LRCH3: variants seen among roughly 807,000 people sequenced by gnomAD.
The protein encoded by LRCH3 is DISP complex protein LRCH3.
Under a neutral mutation model 104.5 loss-of-function variants are expected in LRCH3, and 68 were observed. The ratio of observed to expected loss-of-function variants is 0.65; its 90% CI spans 0.54 to 0.80. LRCH3 has a LOEUF of 0.80. Among genes scored for constraint, LRCH3 ranks in the 30% least tolerant of loss-of-function variants. LRCH3 has a pLI of 0.00. For synonymous variants in LRCH3, 344 were observed against 361.3 expected (o/e 0.95, Z 0.54); for missense variants, 951 against 953.9 (o/e 1.00, Z 0.04).
Position 197,878,728 on chromosome 3 carries a change from A to G in LRCH3, c.2208+2953A>G, listed in dbSNP as rs150247990. Among the ~76,000 whole-genome samples, 935 of 152,352 alleles carry G rather than the reference A, an allele frequency of 6.1e-3. 5 individuals are homozygous for G. Among genetic ancestry groups the G allele is most frequent in the Non-Finnish European group, 8.7e-3 (594 of 68,040 alleles). ...AAAATGAATAAACGCACAAACTCGT[A>G]GGTTCAAACTAGCCTTCTGAGGTCC... On this transcript the variant is annotated intron_variant, in intron 20 of 20. Transcript: ENST00000425562.
In LRCH3 at chr3:197,795,178, T is replaced by C. The variant is rs114716410; in HGVS notation, c.262+3638T>C. On this transcript the variant is annotated intron_variant, in intron 1 of 20. Coordinates refer to ENST00000425562, the MANE Select transcript of LRCH3 (RefSeq NM_001365715.1). ...GCAGAAACAAGAAGGAAAGCTATTT[T>C]AGGCAGTGGTGGACAGCACGCAAAA... is the stretch of plus-strand genomic sequence containing the variant. Among the ~76,000 whole-genome samples, 501 of 152,172 alleles carry C rather than the reference T, an allele frequency of 3.3e-3. 4 individuals are homozygous for C. The highest frequency in any genetic ancestry group is 0.01 in the Middle Eastern group (3 of 294).
At chr3:197,852,495 T>C in intron 12 of LRCH3, 66 bp from the exon 13 acceptor site, 1 of 1,382,488 alleles carries the variant, frequency 7.2e-7, no homozygotes, top group South Asian at 1.2e-5. Flanking sequence ...GTAAATAGAA[T>C]TTGTTATTTG....
At chr3:197,879,411 C>A (rs576892866) in intron 20 of LRCH3, among the ~76,000 whole-genome samples, 1 of 152,054 alleles carries the variant, frequency 6.6e-6, no homozygotes, top group Non-Finnish European at 1.5e-5. Flanking sequence ...CTTTGGGAGG[C>A]CGAGGTGGGC....
intron 1 of LRCH3, among the ~76,000 whole-genome samples, chr3:197,800,385 A>G (rs1465622983): frequency 6.6e-6 from 1 of 152,264 alleles, no homozygotes; most frequent in Admixed American, 6.5e-5. Context: ...TTGAACTAGT[A>G]CTTTACTAAA....
At position 197,824,157 on chromosome 3, in the gene LRCH3, C is replaced by T. The variant is rs559570421; in HGVS notation, c.641-2721C>T. ...TTGGCTCACTGCAGCCTCCGCCTCT[C>T]GGGTTCAAGCAATTCTCCTGCCTCA... On this transcript the variant is annotated intron_variant, in intron 4 of 20. Transcript: ENST00000425562. Among the ~76,000 whole-genome samples the T allele has an allele frequency of 9.9e-5, 15 of 151,822 alleles. No homozygotes were observed. In the East Asian group the frequency reaches 2.1e-3, roughly 22 times the overall value.
intron 5 of LRCH3, among the ~76,000 whole-genome samples, chr3:197,829,235 T>C (rs1195719169): frequency 6.6e-6 from 1 of 152,250 alleles, no homozygotes; most frequent in African/African-American, 2.4e-5. Context: ...TCATGTAATC[T>C]AATGAGGAGA....
At chr3:197,824,606 A>G (rs1386381660) in intron 4 of LRCH3, among the ~76,000 whole-genome samples, 2 of 134,354 alleles carry the variant, frequency 1.5e-5, no homozygotes, top group African/African-American at 5.7e-5. Context: ...TCACTCTGTC[A>G]CCCAGGCTGG....
Position 197,866,138 on chromosome 3 carries a change from C to T in LRCH3, c.1792C>T (p.Pro598Ser). 1 of 1,613,760 alleles carries T rather than the reference C, an allele frequency of 6.2e-7. No individual in the cohort carries two copies. Among genetic ancestry groups the T allele is most frequent in the Non-Finnish European group, 8.5e-7 (1 of 1,179,772 alleles). The change falls in exon 17 of 21, where the codon CCT (proline) becomes TCT (serine). Residue 598 changes from proline (P) to serine (S), a missense_variant. Physicochemically the swap from Pro to Ser is moderately conservative, Grantham distance 74. Coordinates refer to ENST00000425562, the MANE Select transcript of LRCH3 (RefSeq NM_001365715.1). ...TCATCATTCCCCTGCATATTCTTTTCCTGCTGCTATCCAGAGAAATCAGCC... is the reference window on the plus strand; with the variant it reads ...TCATCATTCCCCTGCATATTCTTTTTCTGCTGCTATCCAGAGAAATCAGCC... The part of the protein sequence containing the change: ...TVHHSPAYSF[P>S]AAIQRNQPQR...
intron 3 of LRCH3, 131 bp from the exon 4 acceptor site, chr3:197,820,194 C>G: frequency 1.5e-6 from 1 of 671,664 alleles, no homozygotes; most frequent in Non-Finnish European, 2.6e-6. Flanking sequence ...AGTCTCTTTT[C>G]AGAACCATTG....
rs1736058422 is a variant in LRCH3 at position 197,832,306 on chromosome 3, C to T, written c.1091C>T (p.Thr364Ile). 1 of 1,613,482 alleles carries T rather than the reference C, an allele frequency of 6.2e-7. No individual in the cohort carries two copies. The highest frequency in any genetic ancestry group is 8.5e-7 in the Non-Finnish European group (1 of 1,179,606). ...YQENRGSLVV[T>I]NGGVEHDLDQ... Reference sequence around the variant, plus strand: ...GAGAACCGCGGCAGTTTGGTAGTAACAAACGGCGGAGGTAAACATAATTCC... The same window carrying T: ...GAGAACCGCGGCAGTTTGGTAGTAATAAACGGCGGAGGTAAACATAATTCC... The change falls in exon 8 of 21, where the codon ACA (threonine) becomes ATA (isoleucine). Residue 364 changes from threonine (T) to isoleucine (I), a missense_variant. Physicochemically the swap from Thr to Ile is moderately conservative, Grantham distance 89. Transcript: ENST00000425562.
intron 17 of LRCH3, among the ~76,000 whole-genome samples, chr3:197,867,349 G>C (rs912677893): frequency 6.6e-6 from 1 of 151,896 alleles, no homozygotes; most frequent in African/African-American, 2.4e-5. Flanking sequence ...CCAGGAGGTG[G>C]AGGCTGTAGT....
chr3:197,859,377 A>G, intron 15 of LRCH3: 1 of 166,182 alleles, frequency 6.0e-6, no homozygotes, highest in South Asian at 1.5e-4. Flanking sequence ...TGCATTGCCT[A>G]TGGCTGCTTG....
intron 10 of LRCH3, among the ~76,000 whole-genome samples, chr3:197,846,455 A>C (rs1207293431): frequency 6.7e-6 from 1 of 149,428 alleles, no homozygotes; most frequent in African/African-American, 2.5e-5. Flanking sequence ...CAATTACTTT[A>C]GGAGGCTGAG....
chr3:197,841,939 C>T (rs1737864478), intron 10 of LRCH3, among the ~76,000 whole-genome samples: 1 of 152,034 alleles, frequency 6.6e-6, no homozygotes, highest in Admixed American at 6.6e-5. Flanking sequence ...CTCAAGCAAT[C>T]CTCCCACCTC....
At chr3:197,830,704 T>G in intron 6 of LRCH3, 66 bp from the exon 7 acceptor site, 1 of 1,278,644 alleles carries the variant, frequency 7.8e-7, no homozygotes, top group South Asian at 1.3e-5. Context: ...AAAATTGATC[T>G]GTTTAATTTC....
chr3:197,857,264 C>T (rs577505146), intron 14 of LRCH3, among the ~76,000 whole-genome samples: 2 of 146,202 alleles, frequency 1.4e-5, no homozygotes, highest in South Asian at 2.3e-4. Flanking sequence ...CATTCTCTTC[C>T]GGCTACCCCT....
At chr3:197,871,184 T>TCC in intron 18 of LRCH3, 141 bp from the exon 19 acceptor site, 2 of 646,948 alleles carry the variant, frequency 3.1e-6, no homozygotes. Context: ...AAGTTAAACT[T>TCC]AGGATAGAGG....
chr3:197,835,387 T>C (rs1736624490), intron 8 of LRCH3, among the ~76,000 whole-genome samples: 1 of 151,308 alleles, frequency 6.6e-6, no homozygotes, highest in African/African-American at 2.4e-5. Flanking sequence ...TTTCAGCATA[T>C]TGGTCAGGCT....
At chr3:197,865,065 C>T (rs924615142) in intron 15 of LRCH3, among the ~76,000 whole-genome samples, 1 of 152,094 alleles carries the variant, frequency 6.6e-6, no homozygotes. Flanking sequence ...TGCAGTGGCA[C>T]AATCATTACT....
Sources: allele counts gnomAD v4.1 joint callset (sites outside exome capture counted in the v4.1 genomes callset), GRCh38; gene constraint gnomAD v4.1.1; transcripts MANE v1.5; gene names NCBI Gene and HGNC (gene_info 2026-07-23, HGNC 2026-07-21).